VMP1: variants seen among roughly 807,000 people sequenced by gnomAD.
VMP1 encodes vacuole membrane protein 1.
VMP1 carries 11 observed loss-of-function variants against 56.0 expected under a neutral mutation model. That is an observed-to-expected ratio of 0.20 (90% CI 0.12 to 0.32). The LOEUF (loss-of-function observed/expected upper bound fraction) is 0.32, where lower values mean the gene tolerates loss of function less well. VMP1 is among the 10% of genes least tolerant of loss of function. The probability of loss-of-function intolerance (pLI) is 1.00; values close to 1 mark genes in which losing one functional copy is unlikely to be tolerated. For missense variants in VMP1, 296 were observed against 490.3 expected, an observed-to-expected ratio of 0.60 and a Z score of 3.74; for synonymous variants, 149 against 165.0, an observed-to-expected ratio of 0.90 and a Z score of 0.74.
intron 7 of VMP1, among the ~76,000 whole-genome samples, chr17:59,796,540 AG>A (rs1417825515): frequency 6.6e-6 from 1 of 152,202 alleles, no homozygotes; most frequent in Non-Finnish European, 1.5e-5. Context: ...TTTCTGAAAA[AG>A]GTTTCAATTT....
intron 2 of VMP1, among the ~76,000 whole-genome samples, chr17:59,732,477 G>A (rs1169734372): frequency 6.6e-5 from 10 of 151,996 alleles, no homozygotes; most frequent in Non-Finnish European, 1.2e-4. Flanking sequence ...TCCTGACCTC[G>A]GGTGATCCAC....
At chr17:59,760,955 T>G (rs914684387) in intron 5 of VMP1, among the ~76,000 whole-genome samples, 1 of 151,268 alleles carries the variant, frequency 6.6e-6, no homozygotes, top group Admixed American at 6.6e-5. Flanking sequence ...TGTGCTGGCA[T>G]GCAGTGTTGA....
intron 7 of VMP1, among the ~76,000 whole-genome samples, chr17:59,800,090 T>G (rs893323098): frequency 1.3e-5 from 2 of 152,200 alleles, no homozygotes; most frequent in African/African-American, 4.8e-5. Flanking sequence ...TGCTCTATAT[T>G]TTTAAAATAA....
chr17:59,717,146 AT>A (rs2034190773), intron 1 of VMP1, among the ~76,000 whole-genome samples: 2 of 151,724 alleles, frequency 1.3e-5, no homozygotes, highest in African/African-American at 4.8e-5. Flanking sequence ...CGCCCGGCTA[AT>A]TTTTCATAGA....
rs1454765975 is a variant in VMP1, at chr17:59,792,854, A to T, written c.715-15942A>T. 5.8e-5 allele frequency among the ~76,000 whole-genome samples: 5 copies of T among 86,448 alleles called. 1 individual carries two copies. Among genetic ancestry groups the T allele is most frequent in the African/African-American group, 1.0e-4 (3 of 28,654 alleles). 56.7% of individuals were successfully genotyped at this position (86,448 alleles called of 152,430 possible). Reference sequence around the variant, plus strand: ...ACATGAGCAAAAACGCCATCTCAAAAAATAATAATAATAATAATAATAATT... The same window carrying T: ...ACATGAGCAAAAACGCCATCTCAAATAATAATAATAATAATAATAATAATT... On this transcript the variant is annotated intron_variant, in intron 7 of 11. Transcript: ENST00000262291.
intron 7 of VMP1, among the ~76,000 whole-genome samples, chr17:59,808,198 C>CT: frequency 6.6e-6 from 1 of 152,310 alleles, no homozygotes; most frequent in East Asian, 1.9e-4. Flanking sequence ...ATCACTTACC[C>CT]TTTCTGGGCT....
intron 7 of VMP1, among the ~76,000 whole-genome samples, chr17:59,808,526 T>G (rs753385983): frequency 6.6e-6 from 1 of 152,240 alleles, no homozygotes; most frequent in Non-Finnish European, 1.5e-5. Context: ...AGTATTTTGT[T>G]AATCCCTAGA....
chr17:59,743,582 A>C (rs28877337), intron 5 of VMP1, among the ~76,000 whole-genome samples: 18,800 of 146,796 alleles, frequency 0.13, 1,640 homozygotes, highest in African/African-American at 0.26. Context: ...CTCTCTCTCT[A>C]TATATATATA....
rs1205629687 is a variant in VMP1, at chr17:59,735,383, G to C, written c.122G>C (p.Arg41Thr). The change falls in exon 3 of 12, where the codon AGG (arginine) becomes ACG (threonine). Residue 41 changes from arginine (R) to threonine (T), a missense_variant. Physicochemically the swap from Arg to Thr is moderately conservative, Grantham distance 71 (BLOSUM62 -1). Transcript: ENST00000262291. Reference protein sequence around the residue: ...NEKKRREREERQNIVLWRQPL... With the variant: ...NEKKRREREETQNIVLWRQPL... ...AAGAAGAGGAGGGAGCGGGAAGAAA[G>C]GCAGAATATTGTCCTGTGGAGACAG... The C allele has an allele frequency of 8.7e-6, 14 of 1,614,114 alleles. No individual in the cohort carries two copies. Among genetic ancestry groups the C allele is most frequent in the Non-Finnish European group, 1.2e-5 (14 of 1,180,016 alleles).
chr17:59,722,777 G>A (rs1362323232), intron 1 of VMP1, among the ~76,000 whole-genome samples: 1 of 152,208 alleles, frequency 6.6e-6, no homozygotes, highest in East Asian at 1.9e-4. Context: ...CTGGAAGGTG[G>A]CGGTTGCAGT....
chr17:59,741,769 T>C (rs1312933959), intron 5 of VMP1, among the ~76,000 whole-genome samples: 1 of 152,204 alleles, frequency 6.6e-6, no homozygotes, highest in Admixed American at 6.5e-5. Context: ...AGCTATAATT[T>C]ACTAGTTTAG....
At chr17:59,762,174 C>T (rs1052221536) in intron 5 of VMP1, among the ~76,000 whole-genome samples, 11 of 152,154 alleles carry the variant, frequency 7.2e-5, no homozygotes, top group African/African-American at 2.2e-4. Context: ...TTACTTCATC[C>T]GCCGTGAGAC....
chr17:59,809,913 A>G (rs182985102), intron 8 of VMP1, among the ~76,000 whole-genome samples: 2 of 152,242 alleles, frequency 1.3e-5, no homozygotes, highest in Admixed American at 1.3e-4. Flanking sequence ...TAAATGGCTT[A>G]AATCAGTAAG....
rs2038691479 is a variant in VMP1, at chr17:59,827,876, G to T, written c.974+10103G>T. 2.0e-5 allele frequency among the ~76,000 whole-genome samples: 3 copies of T among 152,176 alleles called. No individual in the cohort carries two copies. In the South Asian group the frequency reaches 6.2e-4, roughly 32 times the overall value. Reference sequence around the variant, plus strand: ...TTGAGCCCGGGAGGTCAAGGCTGCAGTGAGTCGTGTTTGTGCCATTGCACT... The same window carrying T: ...TTGAGCCCGGGAGGTCAAGGCTGCATTGAGTCGTGTTTGTGCCATTGCACT... On this transcript the variant is annotated intron_variant, in intron 10 of 11. Coordinates refer to ENST00000262291, the MANE Select transcript of VMP1 (RefSeq NM_030938.5).
intron 5 of VMP1, among the ~76,000 whole-genome samples, chr17:59,748,066 G>A (rs2035498260): frequency 6.6e-6 from 1 of 151,786 alleles, no homozygotes; most frequent in African/African-American, 2.4e-5. Flanking sequence ...TGTGGTGGCG[G>A]GCGCCTGTAG....
At chr17:59,720,691 T>G (rs2034355186) in intron 1 of VMP1, among the ~76,000 whole-genome samples, 1 of 152,164 alleles carries the variant, frequency 6.6e-6, no homozygotes, top group Non-Finnish European at 1.5e-5. Context: ...TTATTTATCT[T>G]GGCTGGGCGT....
intron 2 of VMP1, 111 bp from the exon 3 acceptor site, chr17:59,735,227 T>C: frequency 7.2e-7 from 1 of 1,389,742 alleles, no homozygotes; most frequent in African/African-American, 1.4e-5. Context: ...ACTCTAGGAC[T>C]TGCTATTAGT....
intron 7 of VMP1, among the ~76,000 whole-genome samples, chr17:59,775,680 C>G (rs1244394178): frequency 6.6e-6 from 1 of 152,172 alleles, no homozygotes; most frequent in Non-Finnish European, 1.5e-5. Flanking sequence ...TCAGACTTGC[C>G]TTTGCCTCAG....
chr17:59,719,941 T>C (rs188407988), intron 1 of VMP1, among the ~76,000 whole-genome samples: 1 of 152,346 alleles, frequency 6.6e-6, no homozygotes, highest in East Asian at 1.9e-4. Context: ...TCTATATAAG[T>C]GTTCAAAATG....
Sources: allele counts gnomAD v4.1 joint callset (sites outside exome capture counted in the v4.1 genomes callset), GRCh38; gene constraint gnomAD v4.1.1; transcripts MANE v1.5; gene names NCBI Gene and HGNC (gene_info 2026-07-23, HGNC 2026-07-21).